OR2M2: variants seen among roughly 807,000 people sequenced by gnomAD.
OR2M2 encodes the protein olfactory receptor 2M2.
For missense variants in OR2M2, 467 were observed against 429.9 expected, an observed-to-expected ratio of 1.09 and a Z score of -0.76; for synonymous variants, 168 against 151.7, an observed-to-expected ratio of 1.11 and a Z score of -0.79.
rs533472125 is a variant in OR2M2 at position 248,176,308 on chromosome 1, T to C, written c.-19+1437T>C. 6.6e-5 allele frequency among the ~76,000 whole-genome samples: 10 copies of C among 152,240 alleles called. No individual in the cohort carries two copies. The East Asian group carries it at 1.9e-3, about 29-fold the overall frequency. On this transcript the variant is annotated intron_variant, in intron 1 of 1. Coordinates refer to ENST00000641836, the MANE Select transcript of OR2M2 (RefSeq NM_001004688.2). ...CACAGCACCACACTGTCATGAAATCTGATGACTATTCTTCCAGACGTGATA... is the reference window on the plus strand; with the variant it reads ...CACAGCACCACACTGTCATGAAATCCGATGACTATTCTTCCAGACGTGATA...
chr1:248,179,272 T>C (rs1485192271), intron 1 of OR2M2, among the ~76,000 whole-genome samples: 1 of 152,170 alleles, frequency 6.6e-6, no homozygotes, highest in Non-Finnish European at 1.5e-5. Context: ...TGTGCTCCAA[T>C]ATCACCTCAC....
Position 248,180,857 on chromosome 1 carries a change from G to A in OR2M2, c.872G>A (p.Ser291Asn), listed in dbSNP as rs1558246785. ...LTPMLNPLIY[S>N]LRNKEVTRAF... ...CCCATGCTGAATCCCCTCATCTACA[G>A]CCTCCGCAACAAGGAGGTGACTAGA... Residue 291 changes from serine to asparagine, a missense_variant, in exon 2 of 2, where the codon AGC (serine) becomes AAC (asparagine). Physicochemically the swap from Ser to Asn is conservative, Grantham distance 46 (BLOSUM62 1). Coordinates refer to ENST00000641836, the MANE Select transcript of OR2M2 (RefSeq NM_001004688.2). 1.2e-6 allele frequency: 2 copies of A among 1,613,934 alleles called. No individual in the cohort carries two copies. The highest frequency in any genetic ancestry group is 1.6e-4 in the Middle Eastern group (1 of 6,084).
At chr1:248,178,654 C>A (rs1665882468) in intron 1 of OR2M2, among the ~76,000 whole-genome samples, 1 of 152,188 alleles carries the variant, frequency 6.6e-6, no homozygotes. Flanking sequence ...CTTGACTACT[C>A]TGTTCAAAGA....
At chr1:248,176,215 A>G (rs1039910160) in intron 1 of OR2M2, among the ~76,000 whole-genome samples, 4 of 151,814 alleles carry the variant, frequency 2.6e-5, no homozygotes, top group African/African-American at 9.7e-5. Context: ...CCATCATCTC[A>G]CTCAGTGACT....
chr1:248,179,197 G>A (rs1170175897), intron 1 of OR2M2, among the ~76,000 whole-genome samples: 1 of 152,098 alleles, frequency 6.6e-6, no homozygotes, highest in Admixed American at 6.6e-5. Context: ...TATTCCCAGT[G>A]TCTCGGTCTT....
At chr1:248,176,703 A>C (rs945045058) in intron 1 of OR2M2, among the ~76,000 whole-genome samples, 7 of 152,088 alleles carry the variant, frequency 4.6e-5, no homozygotes, top group African/African-American at 1.7e-4. Context: ...AGTTGCAGAA[A>C]TATTTCATCA....
In OR2M2 at chr1:248,180,782, A is replaced by T; in HGVS notation, c.797A>T (p.His266Leu). 1.9e-6 allele frequency: 3 copies of T among 1,613,530 alleles called. No homozygotes were observed. The South Asian group carries it at 3.3e-5, about 18-fold the overall frequency. ...LFMYIRPTSD[H>L]SPTQDKMVSV... The stretch of plus-strand genomic sequence containing the variant: ...ATGTACATACGGCCCACATCTGATC[A>T]CTCCCCAACGCAGGACAAGATGGTG... Residue 266 changes from histidine (H) to leucine (L), a missense_variant, in exon 2 of 2, where the codon CAC (histidine) becomes CTC (leucine). Coordinates refer to ENST00000641836, the MANE Select transcript of OR2M2 (RefSeq NM_001004688.2).
chr1:248,176,747 C>G (rs916110796), intron 1 of OR2M2, among the ~76,000 whole-genome samples: 49 of 151,910 alleles, frequency 3.2e-4, no homozygotes, highest in African/African-American at 1.2e-3. Context: ...ATACAGATAC[C>G]TCTTGGAAAC....
Position 248,180,319 on chromosome 1 carries a change from T to C in OR2M2, c.334T>C (p.Cys112Arg). The C allele has an allele frequency of 1.2e-6, 2 of 1,614,168 alleles. No homozygotes were observed. The highest frequency in any genetic ancestry group is 1.7e-5 in the Admixed American group (1 of 60,020). The change falls in exon 2 of 2, where the codon TGT becomes CGT. Residue 112 changes from cysteine (C) to arginine (R), a missense_variant. Coordinates refer to ENST00000641836, the MANE Select transcript of OR2M2 (RefSeq NM_001004688.2). ...FFYISLSGSE[C>R]FLLAVMAYDR... ...CTATATATCACTGTCTGGCTCTGAATGTTTTCTTTTGGCTGTTATGGCTTA... is the reference window on the plus strand; with the variant it reads ...CTATATATCACTGTCTGGCTCTGAACGTTTTCTTTTGGCTGTTATGGCTTA...
rs1270771801 is a variant in OR2M2, at chr1:248,180,593, G to C, written c.608G>C (p.Cys203Ser). ...SIFEEVIFIC[C>S]IVMLVFPVAI... ...TTTGAAGAGGTTATTTTCATCTGCT[G>C]TATAGTAATGCTTGTTTTCCCTGTT... Residue 203 changes from cysteine to serine, a missense_variant, in exon 2 of 2, where the codon TGT becomes TCT. Transcript: ENST00000641836. 6 of 1,613,280 alleles carry C rather than the reference G, an allele frequency of 3.7e-6. No homozygotes were observed. In the Admixed American group the frequency reaches 6.7e-5, roughly 18 times the overall value.
chr1:248,178,955 C>G (rs754872935), intron 1 of OR2M2, among the ~76,000 whole-genome samples: 1 of 152,094 alleles, frequency 6.6e-6, no homozygotes, highest in Non-Finnish European at 1.5e-5. Context: ...CCTAAGAATG[C>G]CAATACAGAG....
Position 248,180,850 on chromosome 1 carries a change from A to G in OR2M2, c.865A>G (p.Ile289Val). The G allele has an allele frequency of 1.9e-6, 3 of 1,614,010 alleles. No individual in the cohort carries two copies. In the South Asian group the frequency reaches 3.3e-5, roughly 18 times the overall value. Residue 289 changes from isoleucine to valine, a missense_variant, in exon 2 of 2, where the codon ATC (isoleucine) becomes GTC (valine). Coordinates refer to ENST00000641836, the MANE Select transcript of OR2M2 (RefSeq NM_001004688.2). ...CCTCACTCCCATGCTGAATCCCCTC[A>G]TCTACAGCCTCCGCAACAAGGAGGT... ...TILTPMLNPLIYSLRNKEVTR... is the reference protein window; with the variant it reads ...TILTPMLNPLVYSLRNKEVTR...
intron 1 of OR2M2, among the ~76,000 whole-genome samples, chr1:248,177,040 C>T (rs543024071): frequency 6.6e-6 from 1 of 152,130 alleles, no homozygotes; most frequent in South Asian, 2.1e-4. Context: ...GACACATTCT[C>T]TGTGACAGGA....
intron 1 of OR2M2, 120 bp from the exon 2 acceptor site, chr1:248,179,848 G>C (rs1453601699): frequency 3.5e-6 from 3 of 869,028 alleles, no homozygotes; most frequent in Admixed American, 5.1e-5. Flanking sequence ...TGACCTTTTA[G>C]TTTCCTACTT....
intron 1 of OR2M2, among the ~76,000 whole-genome samples, chr1:248,176,441 T>C (rs1665857393): frequency 6.6e-6 from 1 of 151,928 alleles, no homozygotes; most frequent in South Asian, 2.1e-4. Flanking sequence ...ATAAAATAAA[T>C]AAAAATAGAA....
At chr1:248,176,904 AAAC>A (rs1229057716) in intron 1 of OR2M2, among the ~76,000 whole-genome samples, 20 of 152,092 alleles carry the variant, frequency 1.3e-4, no homozygotes, top group Admixed American at 1.3e-3. Context: ...TTTTCATGAG[AAAC>A]AACATTATTT....
chr1:248,176,481 A>G (rs1192679396), intron 1 of OR2M2, among the ~76,000 whole-genome samples: 3 of 152,250 alleles, frequency 2.0e-5, no homozygotes, highest in African/African-American at 7.2e-5. Flanking sequence ...GAAAAGAAAT[A>G]CTTGTCAGGC....
Position 248,180,210 on chromosome 1 carries a change from C to A in OR2M2, c.225C>A (p.Cys75Ter). Residue 75 changes from cysteine to a stop codon, truncating the protein, a stop_gained, in exon 2 of 2, where the codon TGC (cysteine) becomes TGA (stop). Transcript: ENST00000641836. LOFTEE classifies it low-confidence loss of function (END_TRUNC). ...CCCTCATGGACCTCATGCTCATCTG[C>A]ACCACCGTACCCAAGATGGCCTTCA... The part of the protein sequence containing the change: ...QLSLMDLMLI[C>*]TTVPKMAFNY... 6.2e-7 allele frequency: 1 copy of A among 1,614,172 alleles called. No individual in the cohort carries two copies. Among genetic ancestry groups the A allele is most frequent in the South Asian group, 1.1e-5 (1 of 91,080 alleles).
intron 1 of OR2M2, among the ~76,000 whole-genome samples, chr1:248,175,563 C>A (rs1665848950): frequency 6.6e-6 from 1 of 151,996 alleles, no homozygotes; most frequent in Non-Finnish European, 1.5e-5. Flanking sequence ...TACATCTGGT[C>A]CCAAGCATTT....
Sources: gnomAD v4.1 joint callset for allele counts (sites outside exome capture counted in the v4.1 genomes callset) on GRCh38, gnomAD v4.1.1 for gene constraint, MANE v1.5 for transcripts, NCBI Gene and HGNC (gene_info 2026-07-23, HGNC 2026-07-21) for gene names.